CORO1C: variants seen among roughly 807,000 people sequenced by gnomAD.
CORO1C encodes coronin-1C.
CORO1C carries 14 observed loss-of-function variants against 51.2 expected under a neutral mutation model. The ratio of observed to expected loss-of-function variants is 0.27; its 90% CI spans 0.18 to 0.43. The LOEUF (loss-of-function observed/expected upper bound fraction) is 0.43, where lower values mean the gene tolerates loss of function less well. CORO1C is among the 20% of genes least tolerant of loss of function. CORO1C has a pLI of 1.00. For missense variants in CORO1C, 417 were observed against 607.8 expected, an observed-to-expected ratio of 0.69 and a Z score of 3.30; for synonymous variants, 181 against 210.5, an observed-to-expected ratio of 0.86 and a Z score of 1.21.
At chr12:108,665,339 C>T (rs1322657759) in intron 3 of CORO1C, among the ~76,000 whole-genome samples, 2 of 152,198 alleles carry the variant, frequency 1.3e-5, no homozygotes, top group African/African-American at 4.8e-5. Flanking sequence ...GTTCCCTCAG[C>T]TGGGTTTATT....
intron 1 of CORO1C, among the ~76,000 whole-genome samples, chr12:108,726,009 G>A (rs987914562): frequency 6.6e-6 from 1 of 151,558 alleles, no homozygotes; most frequent in Non-Finnish European, 1.5e-5. Flanking sequence ...GCTAATTTTT[G>A]TATTTTTAGC....
At chr12:108,679,891 C>T (rs1469326174) in intron 2 of CORO1C, among the ~76,000 whole-genome samples, 2 of 152,090 alleles carry the variant, frequency 1.3e-5, no homozygotes, top group African/African-American at 2.4e-5. Context: ...CCACAATTAC[C>T]GTAAGGATTA....
chr12:108,726,192 C>A (rs1345489903), intron 1 of CORO1C, among the ~76,000 whole-genome samples: 1 of 151,926 alleles, frequency 6.6e-6, no homozygotes, highest in East Asian at 1.9e-4. Flanking sequence ...CCGAGGCGGG[C>A]GGATTATGAG....
At chr12:108,664,548 T>C (rs1040096068) in intron 3 of CORO1C, among the ~76,000 whole-genome samples, 3 of 152,176 alleles carry the variant, frequency 2.0e-5, no homozygotes, top group Non-Finnish European at 4.4e-5. Flanking sequence ...GGCCCAAGCT[T>C]AGAACATCAC....
chr12:108,713,092 A>C (rs907429500), intron 1 of CORO1C, among the ~76,000 whole-genome samples: 2 of 152,134 alleles, frequency 1.3e-5, no homozygotes, highest in African/African-American at 4.8e-5. Flanking sequence ...AGAAAAAAAA[A>C]CATGCCTTAC....
At chr12:108,674,003 G>C (rs1434808853) in intron 3 of CORO1C, among the ~76,000 whole-genome samples, 1 of 151,878 alleles carries the variant, frequency 6.6e-6, no homozygotes, top group Non-Finnish European at 1.5e-5. Context: ...AATATTTTAA[G>C]CCCACCATTG....
intron 1 of CORO1C, among the ~76,000 whole-genome samples, chr12:108,719,308 C>G (rs56342329): frequency 6.6e-6 from 1 of 152,102 alleles, no homozygotes; most frequent in East Asian, 1.9e-4. Context: ...TTATGGTACC[C>G]TCAAAAAACT....
rs1181439169 is a variant in CORO1C, at chr12:108,648,693, T to G, written c.1217A>C (p.Lys406Thr). The change falls in exon 10 of 11, where the codon AAG (lysine) becomes ACG (threonine). Residue 406 changes from lysine to threonine, a missense_variant. By Grantham distance (78) the Lys-to-Thr change is moderately conservative. Coordinates refer to ENST00000261401, the MANE Select transcript of CORO1C (RefSeq NM_014325.4). ...PGKNRDLKVV[K>T]KNILDSKPTA... ...GGGCTTGCTATCCAGAATGTTCTTC[T>G]TGACCACCTTGAGATCCCTGTTTTT... The G allele has an allele frequency of 6.2e-7, 1 of 1,614,162 alleles. No individual in the cohort carries two copies.
intron 10 of CORO1C, 24 bp from the exon 11 acceptor site, chr12:108,647,546 A>C: frequency 6.4e-7 from 1 of 1,561,830 alleles, no homozygotes; most frequent in Non-Finnish European, 8.8e-7. Flanking sequence ...AAAAGGAGGC[A>C]GTGATTAAAA....
chr12:108,662,107 C>T lies in CORO1C; in HGVS notation c.370G>A (p.Val124Met). ...GLTLSLTEPV[V>M]ILEGHSKRVG... ...CTCTTTGAGTGGCCTTCCAAAATCA[C>T]CACAGGTTCAGTCAGGGAAAGGGTG... Residue 124 changes from valine (V) to methionine (M), a missense_variant, in exon 4 of 11, where the codon GTG becomes ATG. By Grantham distance (21) the Val-to-Met change is conservative. Transcript: ENST00000261401. 2 of 1,613,954 alleles carry T rather than the reference C, an allele frequency of 1.2e-6. No individual in the cohort carries two copies. The highest frequency in any genetic ancestry group is 1.7e-6 in the Non-Finnish European group (2 of 1,179,868).
At chr12:108,682,636 T>C (rs1267293681) in intron 2 of CORO1C, among the ~76,000 whole-genome samples, 10 of 152,196 alleles carry the variant, frequency 6.6e-5, no homozygotes, top group Non-Finnish European at 1.5e-4. Context: ...AAAATTAATA[T>C]GAATACAGAA....
chr12:108,683,463 A>C (rs544654248), intron 2 of CORO1C, among the ~76,000 whole-genome samples: 8 of 152,072 alleles, frequency 5.3e-5, no homozygotes, highest in Non-Finnish European at 1.2e-4. Flanking sequence ...TGGAAAAAAA[A>C]TAAATAACAA....
At chr12:108,717,970 C>A (rs1010425243) in intron 1 of CORO1C, among the ~76,000 whole-genome samples, 9 of 151,976 alleles carry the variant, frequency 5.9e-5, no homozygotes, top group Admixed American at 2.0e-4. Context: ...GTAATCCCAG[C>A]ACTTTGGGAG....
intron 1 of CORO1C, among the ~76,000 whole-genome samples, chr12:108,713,120 G>GT (rs1360256302): frequency 1.3e-5 from 2 of 152,084 alleles, no homozygotes; most frequent in Admixed American, 1.3e-4. Flanking sequence ...AATAGAAGCT[G>GT]TTTTTAAAAG....
At chr12:108,715,405 A>T (rs771033711) in intron 1 of CORO1C, among the ~76,000 whole-genome samples, 1 of 152,190 alleles carries the variant, frequency 6.6e-6, no homozygotes, top group Non-Finnish European at 1.5e-5. Flanking sequence ...ATATATAAGG[A>T]CTTCGAAATC....
At chr12:108,706,235 C>T (rs1284736810) in intron 1 of CORO1C, among the ~76,000 whole-genome samples, 1 of 146,152 alleles carries the variant, frequency 6.8e-6, no homozygotes, top group Non-Finnish European at 1.5e-5. Flanking sequence ...AAATTAAATA[C>T]TCTTTCATGA....
chr12:108,666,412 G>C (rs1440169361), intron 3 of CORO1C, among the ~76,000 whole-genome samples: 1 of 152,160 alleles, frequency 6.6e-6, no homozygotes, highest in Non-Finnish European at 1.5e-5. Flanking sequence ...CTCTACGGTG[G>C]ACTGTGGAAA....
rs1749254106 is a variant in CORO1C at position 108,687,948 on chromosome 12, C to A, written c.196-9554G>T. Among the ~76,000 whole-genome samples, 4 of 146,088 alleles carry A rather than the reference C, an allele frequency of 2.7e-5. No homozygotes were observed. In the South Asian group the frequency reaches 8.6e-4, roughly 31 times the overall value. ...CCTTTTTTTTTTTTTGAGACGGAGTCTCACTCTGTCACCCAGGCTGGAGTG... is the reference window on the plus strand; with the variant it reads ...CCTTTTTTTTTTTTTGAGACGGAGTATCACTCTGTCACCCAGGCTGGAGTG... On this transcript the variant is annotated intron_variant, in intron 2 of 10. Coordinates refer to ENST00000261401, the MANE Select transcript of CORO1C (RefSeq NM_014325.4).
intron 8 of CORO1C, chr12:108,651,957 G>A (rs1430137830): frequency 4.1e-5 from 7 of 170,172 alleles, no homozygotes; most frequent in South Asian, 1.6e-4. Flanking sequence ...CCAGGGAGGC[G>A]GAGGTTGCAG....
Sources: allele counts gnomAD v4.1 joint callset (sites outside exome capture counted in the v4.1 genomes callset), GRCh38; gene constraint gnomAD v4.1.1; transcripts MANE v1.5; gene names NCBI Gene and HGNC (gene_info 2026-07-23, HGNC 2026-07-21).